Variants in CDH12 observed in about 807,000 individuals in gnomAD.
CDH12 encodes cadherin 12.
CDH12 carries 41 observed loss-of-function variants against 74.1 expected under a neutral mutation model. That is an observed-to-expected ratio of 0.55 (90% CI 0.43 to 0.72). The LOEUF is 0.72. Ranked by LOEUF, CDH12 falls within the 30% of genes least tolerant of loss-of-function variation. The pLI is 0.00. For synonymous variants in CDH12, 399 were observed against 355.0 expected (o/e 1.12, Z -1.39); for missense variants, 945 against 977.2 (o/e 0.97, Z 0.44).
intron 1 of CDH12, among the ~76,000 whole-genome samples, chr5:22,751,957 T>C (rs1422306463): frequency 8.9e-6 from 1 of 111,752 alleles, no homozygotes; most frequent in Non-Finnish European, 2.0e-5. Context: ...TGCTATACTC[T>C]ATTTTTTTTG....
At chr5:22,760,266 C>T (rs1043663954) in intron 1 of CDH12, among the ~76,000 whole-genome samples, 5 of 152,160 alleles carry the variant, frequency 3.3e-5, no homozygotes, top group Admixed American at 3.3e-4. Context: ...TGTTGGTTAA[C>T]TATAGAATCT....
chr5:22,837,841 C>T (rs189145306), intron 1 of CDH12, among the ~76,000 whole-genome samples: 17 of 152,156 alleles, frequency 1.1e-4, no homozygotes, highest in East Asian at 5.8e-4. Context: ...ATTTCTTTGA[C>T]GTGGAAGTTA....
In CDH12 at chr5:21,842,316, G is replaced by A. The variant is rs1455787884; in HGVS notation, c.659C>T (p.Thr220Ile). ...TTCTCTGTCCATGTTTGGCAAAGCT[G>A]TTCTAATAACACCTTAAGGGATAAA... is the stretch of plus-strand genomic sequence containing the variant. ...SIDPKTGVIR[T>I]ALPNMDREVK... The change falls in exon 8 of 15, where the codon ACA becomes ATA. Residue 220 changes from threonine (T) to isoleucine (I), a missense_variant. Around this residue, in one of 3 missense-constraint regions of CDH12, gnomAD observed 791 missense variants for 792.8 expected, o/e 1.00. Coordinates refer to ENST00000382254, the MANE Select transcript of CDH12 (RefSeq NM_004061.5). 2 of 1,608,120 alleles carry A rather than the reference G, an allele frequency of 1.2e-6. No homozygotes were observed. Among genetic ancestry groups the A allele is most frequent in the Non-Finnish European group, 1.7e-6 (2 of 1,176,670 alleles).
intron 7 of CDH12, among the ~76,000 whole-genome samples, chr5:21,854,380 G>T (rs932675306): frequency 6.6e-6 from 1 of 151,682 alleles, no homozygotes; most frequent in African/African-American, 2.4e-5. Flanking sequence ...ATAGCTGGAA[G>T]AATTTGTTTT....
rs895754295 is a variant in CDH12, at chr5:22,824,668, T to A, written c.-523+28390A>T. On this transcript the variant is annotated intron_variant, in intron 1 of 14. Coordinates refer to ENST00000382254, the MANE Select transcript of CDH12 (RefSeq NM_004061.5). ...GCAACCAAATCTATCTTAAAAGAAA[T>A]AAATAAAAAGTAAAGAAGTAGACAT... is the stretch of plus-strand genomic sequence containing the variant. 4.6e-5 allele frequency among the ~76,000 whole-genome samples: 7 copies of A among 151,634 alleles called. No individual in the cohort carries two copies. The South Asian group carries it at 1.5e-3, about 32-fold the overall frequency.
intron 6 of CDH12, among the ~76,000 whole-genome samples, chr5:21,923,010 A>T (rs1307952986): frequency 6.6e-6 from 1 of 151,874 alleles, no homozygotes; most frequent in Non-Finnish European, 1.5e-5. Context: ...AGGAGCACGC[A>T]CCCACGTACA....
At chr5:22,129,549 C>CA (rs1388465293) in intron 4 of CDH12, among the ~76,000 whole-genome samples, 1 of 151,968 alleles carries the variant, frequency 6.6e-6, no homozygotes, top group Non-Finnish European at 1.5e-5. Flanking sequence ...ACAAAATTGA[C>CA]AAAAAGTGCA....
chr5:22,104,726 A>T (rs1333078444), intron 4 of CDH12, among the ~76,000 whole-genome samples: 1 of 152,186 alleles, frequency 6.6e-6, no homozygotes, highest in Non-Finnish European at 1.5e-5. Context: ...TCTTTACTTC[A>T]GACTTTTTGA....
intron 6 of CDH12, among the ~76,000 whole-genome samples, chr5:21,878,344 A>G (rs1396527458): frequency 5.9e-5 from 9 of 152,190 alleles, no homozygotes; most frequent in Non-Finnish European, 1.3e-4. Context: ...AATGAAAATT[A>G]AACTTTATTA....
intron 2 of CDH12, among the ~76,000 whole-genome samples, chr5:22,481,239 C>T (rs1461422583): frequency 2.0e-5 from 3 of 152,148 alleles, no homozygotes; most frequent in East Asian, 1.9e-4. Flanking sequence ...AACTCTTGTA[C>T]ACTGTTGATG....
At chr5:22,796,173 C>T (rs920750437) in intron 1 of CDH12, among the ~76,000 whole-genome samples, 2 of 152,058 alleles carry the variant, frequency 1.3e-5, no homozygotes, top group African/African-American at 2.4e-5. Flanking sequence ...ATATCTCTTT[C>T]GAATACCGAT....
intron 3 of CDH12, among the ~76,000 whole-genome samples, chr5:22,331,963 CAG>C (rs1739368791): frequency 6.6e-6 from 1 of 151,986 alleles, no homozygotes. Context: ...AATACACTAT[CAG>C]AGGAGACAAA....
intron 14 of CDH12, among the ~76,000 whole-genome samples, chr5:21,754,347 T>C (rs968200594): frequency 1.9e-4 from 29 of 152,270 alleles, no homozygotes; most frequent in African/African-American, 5.5e-4. Context: ...AAGAGAGGCA[T>C]ATGAGAGAGA....
intron 4 of CDH12, among the ~76,000 whole-genome samples, chr5:22,167,748 T>C (rs1440105324): frequency 2.6e-5 from 4 of 152,174 alleles, no homozygotes; most frequent in Admixed American, 2.6e-4. Context: ...GCTATTTTCT[T>C]TTACGATGTA....
intron 4 of CDH12, among the ~76,000 whole-genome samples, chr5:22,197,276 C>T (rs1263069000): frequency 1.3e-5 from 2 of 151,660 alleles, no homozygotes; most frequent in African/African-American, 2.4e-5. Flanking sequence ...AACCCTGTCT[C>T]TACTAAAAAT....
chr5:22,237,346 G>A (rs1231100544), intron 3 of CDH12, among the ~76,000 whole-genome samples: 20 of 152,104 alleles, frequency 1.3e-4, no homozygotes, highest in Non-Finnish European at 2.8e-4. Flanking sequence ...TTTCACTTAA[G>A]TTTGTGTTTT....
intron 3 of CDH12, chr5:22,213,572 G>C (rs779417769): frequency 2.0e-5 from 3 of 152,078 alleles, no homozygotes; most frequent in Admixed American, 6.6e-5. Flanking sequence ...GTCCCCATCC[G>C]TCATCCGCTC....
intron 1 of CDH12, among the ~76,000 whole-genome samples, chr5:22,618,014 G>A (rs1354999056): frequency 6.6e-6 from 1 of 152,088 alleles, no homozygotes; most frequent in Non-Finnish European, 1.5e-5. Flanking sequence ...TGCAGAAACT[G>A]AGAATCGGAA....
At chr5:22,357,954 T>TTAA (rs1229467581) in intron 3 of CDH12, among the ~76,000 whole-genome samples, 1 of 152,182 alleles carries the variant, frequency 6.6e-6, no homozygotes, top group Non-Finnish European at 1.5e-5. Context: ...TGTTTGGTAT[T>TTAA]TAATGTATAT....
Sources: allele counts gnomAD v4.1 joint callset (sites outside exome capture counted in the v4.1 genomes callset), GRCh38; gene constraint gnomAD v4.1.1; regional missense constraint gnomAD v4.1.1; transcripts MANE v1.5; gene names NCBI Gene and HGNC (gene_info 2026-07-23, HGNC 2026-07-21).